Variants in BTBD9 observed in about 807,000 individuals in gnomAD.
The protein encoded by BTBD9 is BTB domain containing 9.
In BTBD9, 49 loss-of-function variants were observed where a neutral mutation model predicts 64.3. The ratio of observed to expected loss-of-function variants is 0.76; its 90% CI spans 0.61 to 0.97. The LOEUF is 0.97. BTBD9 is among the 50% of genes least tolerant of loss of function. BTBD9 has a pLI of 0.00. For synonymous variants in BTBD9, 260 were observed against 274.7 expected (o/e 0.95, Z 0.53); for missense variants, 598 against 762.1 (o/e 0.78, Z 2.53).
intron 6 of BTBD9, among the ~76,000 whole-genome samples, chr6:38,356,132 T>C (rs552625598): frequency 1.3e-5 from 2 of 152,284 alleles, no homozygotes; most frequent in East Asian, 1.9e-4. Context: ...TTGGAGCATG[T>C]AGATTTTCTC....
chr6:38,531,970 C>G (rs1457287095), intron 6 of BTBD9, among the ~76,000 whole-genome samples: 1 of 152,188 alleles, frequency 6.6e-6, no homozygotes, highest in African/African-American at 2.4e-5. Context: ...AAAGCACTTT[C>G]ATAAGAACCA....
chr6:38,174,839 G>C lies in BTBD9; in HGVS notation c.*146C>G, dbSNP rs1046278774. The C allele has an allele frequency of 4.4e-6, 4 of 917,364 alleles. No homozygotes were observed. The African/African-American group carries it at 6.6e-5, about 15-fold the overall frequency. The allele number at this position is 917,364 out of a possible 1,614,324, so 56.8% of individuals were successfully genotyped here. ...CCTTTCTGTCCTTGGGAGAAAACCT[G>C]TTCGGTGTCTGCTTTTGCAGCTAGG... is the stretch of plus-strand genomic sequence containing the variant. On this transcript the variant is annotated 3_prime_UTR_variant, in exon 11 of 11. Coordinates refer to ENST00000481247, the MANE Select transcript of BTBD9 (RefSeq NM_001099272.2).
At chr6:38,347,295 T>C (rs1331800510) in intron 6 of BTBD9, among the ~76,000 whole-genome samples, 1 of 152,154 alleles carries the variant, frequency 6.6e-6, no homozygotes, top group African/African-American at 2.4e-5. Flanking sequence ...ATATATATGG[T>C]GGGAAAAGCA....
At chr6:38,261,080 C>T (rs1358859722) in intron 8 of BTBD9, among the ~76,000 whole-genome samples, 3 of 152,062 alleles carry the variant, frequency 2.0e-5, no homozygotes, top group Non-Finnish European at 4.4e-5. Context: ...GCTAGGACTA[C>T]AGGTGCACAC....
At chr6:38,465,461 C>CAA (rs762391834) in intron 6 of BTBD9, among the ~76,000 whole-genome samples, 34 of 67,488 alleles carry the variant, frequency 5.0e-4, no homozygotes, top group South Asian at 4.9e-3. Flanking sequence ...ACTAAAAATA[C>CAA]AAAAAAAAAA....
At position 38,268,808 on chromosome 6, in the gene BTBD9, T is replaced by C. The variant is rs995225231; in HGVS notation, c.1455-12292A>G. Among the ~76,000 whole-genome samples the C allele has an allele frequency of 1.3e-5, 2 of 152,232 alleles. 1 individual carries two copies. Among genetic ancestry groups the C allele is most frequent in the South Asian group, 4.1e-4 (2 of 4,826 alleles). On this transcript the variant is annotated intron_variant, in intron 8 of 10. Coordinates refer to ENST00000481247, the MANE Select transcript of BTBD9 (RefSeq NM_001099272.2). Reference sequence around the variant, plus strand: ...ATCCAATTCAGACCTCCTTCAGACTTACTACCAGCGTGAGCTGCGACTCGT... The same window carrying C: ...ATCCAATTCAGACCTCCTTCAGACTCACTACCAGCGTGAGCTGCGACTCGT...
At chr6:38,414,179 A>G (rs1767562825) in intron 6 of BTBD9, among the ~76,000 whole-genome samples, 1 of 152,226 alleles carries the variant, frequency 6.6e-6, no homozygotes, top group African/African-American at 2.4e-5. Context: ...TACAAAAACA[A>G]AATCATTGCT....
chr6:38,425,925 CAT>C (rs1768122048), intron 6 of BTBD9, among the ~76,000 whole-genome samples: 2 of 122,958 alleles, frequency 1.6e-5, no homozygotes, highest in East Asian at 4.7e-4. Flanking sequence ...TCAAGAAACA[CAT>C]ACACACACAC....
chr6:38,419,641 C>A (rs1767817280), intron 6 of BTBD9, among the ~76,000 whole-genome samples: 1 of 152,074 alleles, frequency 6.6e-6, no homozygotes, highest in South Asian at 2.1e-4. Context: ...GAGGCCGAGG[C>A]GGGCGGATCA....
At chr6:38,562,689 A>G (rs1775311757) in intron 6 of BTBD9, among the ~76,000 whole-genome samples, 1 of 152,228 alleles carries the variant, frequency 6.6e-6, no homozygotes, top group East Asian at 1.9e-4. Flanking sequence ...AATTTTTATT[A>G]AAATCCCTCT....
chr6:38,524,963 A>C (rs1416478263), intron 6 of BTBD9, among the ~76,000 whole-genome samples: 1 of 152,164 alleles, frequency 6.6e-6, no homozygotes, highest in Non-Finnish European at 1.5e-5. Context: ...TGTCTGGGTG[A>C]TCAGGCCCTT....
intron 6 of BTBD9, among the ~76,000 whole-genome samples, chr6:38,522,239 C>T (rs1773300495): frequency 6.6e-6 from 1 of 152,146 alleles, no homozygotes; most frequent in Non-Finnish European, 1.5e-5. Context: ...CTCTCTCTGG[C>T]TGAAAATGTA....
At chr6:38,419,436 G>A (rs1343479826) in intron 6 of BTBD9, among the ~76,000 whole-genome samples, 1 of 152,138 alleles carries the variant, frequency 6.6e-6, no homozygotes, top group Non-Finnish European at 1.5e-5. Context: ...AAAAATATTT[G>A]TACATTTCAT....
chr6:38,465,687 T>G (rs1770318636), intron 6 of BTBD9, among the ~76,000 whole-genome samples: 1 of 115,094 alleles, frequency 8.7e-6, no homozygotes, highest in African/African-American at 3.5e-5. Context: ...ACTCCATCTC[T>G]AAATAAATAA....
intron 6 of BTBD9, 39 bp downstream of exon 6, chr6:38,577,561 A>G: frequency 1.3e-6 from 2 of 1,570,118 alleles, no homozygotes; most frequent in East Asian, 2.2e-5. Flanking sequence ...ATCTCCTTAT[A>G]TAAGAATAAA....
At chr6:38,622,213 G>A (rs996381910) in intron 1 of BTBD9, among the ~76,000 whole-genome samples, 1 of 152,194 alleles carries the variant, frequency 6.6e-6, no homozygotes, top group Non-Finnish European at 1.5e-5. Flanking sequence ...CCCCTCTGGG[G>A]CAACAAAGAA....
intron 7 of BTBD9, among the ~76,000 whole-genome samples, chr6:38,323,009 A>G (rs990552616): frequency 6.6e-6 from 1 of 152,220 alleles, no homozygotes; most frequent in African/African-American, 2.4e-5. Flanking sequence ...GAAGAAGGGG[A>G]GATGTCTGAA....
intron 7 of BTBD9, among the ~76,000 whole-genome samples, chr6:38,316,702 T>C (rs1192789837): frequency 6.6e-6 from 1 of 152,218 alleles, no homozygotes; most frequent in African/African-American, 2.4e-5. Context: ...TTTTCATCTT[T>C]CTACTTAAGA....
chr6:38,367,558 T>C (rs1034645421), intron 6 of BTBD9, among the ~76,000 whole-genome samples: 3 of 152,066 alleles, frequency 2.0e-5, no homozygotes, highest in Non-Finnish European at 2.9e-5. Context: ...GGCTCAATAA[T>C]TATTCAGTGG....
Sources: allele counts gnomAD v4.1 joint callset (sites outside exome capture counted in the v4.1 genomes callset), GRCh38; gene constraint gnomAD v4.1.1; transcripts MANE v1.5; gene names NCBI Gene and HGNC (gene_info 2026-07-23, HGNC 2026-07-21).